The following MLF1 variants were observed in gnomAD, a reference collection of about 807,000 sequenced individuals.
MLF1 encodes the protein myeloid leukemia factor 1, also known as myelodysplasia-myeloid leukemia factor 1.
A neutral mutation model predicts 38.3 loss-of-function variants in MLF1; 37 were observed. That is an observed-to-expected ratio of 0.96 (90% CI 0.74 to 1.27). MLF1 has a LOEUF of 1.27. Among genes scored for constraint, MLF1 ranks in the 50% most tolerant of loss-of-function variants. The pLI, the probability that MLF1 is intolerant of heterozygous loss-of-function variation, is 0.00. For missense variants in MLF1, 331 were observed against 349.2 expected (o/e 0.95, Z 0.42); for synonymous variants, 95 against 106.5 (o/e 0.89, Z 0.66).
intron 6 of MLF1, among the ~76,000 whole-genome samples, chr3:158,600,684 C>T (rs1719622749): frequency 6.6e-6 from 1 of 151,058 alleles, no homozygotes; most frequent in Admixed American, 6.6e-5. Context: ...TGCTATTTTT[C>T]AAAAGCATTT....
chr3:158,586,512 T>C (rs997762189), intron 1 of MLF1, among the ~76,000 whole-genome samples: 8 of 152,224 alleles, frequency 5.3e-5, no homozygotes, highest in Non-Finnish European at 8.8e-5. Flanking sequence ...AATTACTAGA[T>C]GTTAGAATCC....
At chr3:158,573,810 TGTTTG>T (rs1261075241) in intron 1 of MLF1, among the ~76,000 whole-genome samples, 5 of 151,884 alleles carry the variant, frequency 3.3e-5, no homozygotes, top group Admixed American at 3.3e-4. Flanking sequence ...TGTGCGTCTG[TGTTTG>T]TTTGTTTGAG....
chr3:158,572,543 G>A (rs1486179071), intron 1 of MLF1, among the ~76,000 whole-genome samples: 29 of 136,618 alleles, frequency 2.1e-4, no homozygotes, highest in Admixed American at 2.9e-4. Flanking sequence ...AGGGTTGAGG[G>A]CGTGAGTTGG....
chr3:158,593,858 G>A (rs1718512244), intron 3 of MLF1, among the ~76,000 whole-genome samples: 1 of 152,120 alleles, frequency 6.6e-6, no homozygotes, highest in Non-Finnish European at 1.5e-5. Context: ...CCTTGCCCAG[G>A]CAGCTTTTTC....
At chr3:158,602,768 C>CCTTAATA in intron 6 of MLF1, 39 bp from the exon 7 acceptor site, 1 of 1,603,554 alleles carries the variant, frequency 6.2e-7, no homozygotes, top group African/African-American at 1.3e-5. Flanking sequence ...ACAGTTGATA[C>CCTTAATA]CTTAATACTT....
intron 5 of MLF1, among the ~76,000 whole-genome samples, chr3:158,599,602 T>C (rs993337982): frequency 6.6e-6 from 1 of 152,156 alleles, no homozygotes; most frequent in African/African-American, 2.4e-5. Flanking sequence ...CTTATAATAC[T>C]TCCATAGAGT....
In MLF1 at chr3:158,592,541, A is replaced by G; in HGVS notation, c.155A>G (p.His52Arg). The change falls in exon 2 of 8, where the codon CAT (histidine) becomes CGT (arginine). Residue 52 changes from histidine to arginine, a missense_variant. Physicochemically the swap from His to Arg is conservative, Grantham distance 29. Transcript: ENST00000466246. Reference protein sequence around the residue: ...LSISDGRGRAHNRRGHNDGED... With the variant: ...LSISDGRGRARNRRGHNDGED... The stretch of plus-strand genomic sequence containing the variant: ...ATCTCTGATGGTAGAGGGAGAGCTC[A>G]TAATCGTAGAGGACATAATGATGGT... 3.7e-6 allele frequency: 6 copies of G among 1,612,550 alleles called. No homozygotes were observed. The highest frequency in any genetic ancestry group is 5.1e-6 in the Non-Finnish European group (6 of 1,179,616).
chr3:158,599,186 T>G (rs1305183702), intron 5 of MLF1, among the ~76,000 whole-genome samples: 1 of 152,206 alleles, frequency 6.6e-6, no homozygotes, highest in Admixed American at 6.5e-5. Flanking sequence ...AGTCTAATCT[T>G]TCACTAATTC....
intron 1 of MLF1, among the ~76,000 whole-genome samples, chr3:158,583,902 T>C (rs1460759705): frequency 2.6e-5 from 4 of 152,194 alleles, no homozygotes; most frequent in African/African-American, 7.2e-5. Context: ...TCATTTCTAC[T>C]GTGACCAACA....
At chr3:158,598,824 C>CTA (rs1438750244) in intron 5 of MLF1, among the ~76,000 whole-genome samples, 4 of 152,106 alleles carry the variant, frequency 2.6e-5, no homozygotes, top group Non-Finnish European at 5.9e-5. Context: ...TGGAGTTTAT[C>CTA]ATTTTCACGC....
intron 3 of MLF1, among the ~76,000 whole-genome samples, chr3:158,595,510 T>G (rs919853439): frequency 3.9e-5 from 6 of 152,170 alleles, no homozygotes; most frequent in African/African-American, 1.2e-4. Context: ...TTTATCCTTC[T>G]TTGGGTTAAC....
Position 158,605,358 on chromosome 3 carries a change from A to G in MLF1, c.*156A>G, listed in dbSNP as rs1420572254. On this transcript the variant is annotated 3_prime_UTR_variant, in exon 8 of 8. Transcript: ENST00000466246. Reference sequence around the variant, plus strand: ...ATGTTCATGAAGGTCCTAGCTTTATATTGTCCCTCTTTTAGGAATAAAATT... The same window carrying G: ...ATGTTCATGAAGGTCCTAGCTTTATGTTGTCCCTCTTTTAGGAATAAAATT... 19 of 474,450 alleles carry G rather than the reference A, an allele frequency of 4.0e-5. No homozygotes were observed. Among genetic ancestry groups the G allele is most frequent in the African/African-American group, 5.9e-5 (3 of 51,152 alleles). The allele number at this position is 474,450 out of a possible 1,614,324, so 29.4% of individuals were successfully genotyped here. A position where few individuals can be genotyped will look rare whatever the true frequency, so the allele number is the denominator to read the frequency against.
chr3:158,572,563 C>T (rs17629360), intron 1 of MLF1, among the ~76,000 whole-genome samples: 44,672 of 83,862 alleles, frequency 0.53, 11,755 homozygotes, highest in African/African-American at 0.68. Flanking sequence ...GTGGGAAGGG[C>T]TTGAGAGCAT....
At chr3:158,596,118 G>A (rs1414588247) in intron 3 of MLF1, among the ~76,000 whole-genome samples, 3 of 152,108 alleles carry the variant, frequency 2.0e-5, no homozygotes, top group Non-Finnish European at 2.9e-5. Flanking sequence ...CCACCCACTA[G>A]ATGCTAGTTA....
At position 158,577,870 on chromosome 3, in the gene MLF1, G is replaced by A. The variant is rs548374938; in HGVS notation, c.47+6523G>A. 2.0e-5 allele frequency among the ~76,000 whole-genome samples: 3 copies of A among 152,162 alleles called. No individual in the cohort carries two copies. In the South Asian group the frequency reaches 6.2e-4, roughly 32 times the overall value. On this transcript the variant is annotated intron_variant, in intron 1 of 7. Transcript: ENST00000466246. ...GAGTGAACTATTTATAGAATATCAG[G>A]GGAGCATAATCATTTCCACAATTTT...
intron 7 of MLF1, among the ~76,000 whole-genome samples, chr3:158,604,431 C>T (rs1576697618): frequency 1.3e-5 from 2 of 152,186 alleles, no homozygotes; most frequent in Non-Finnish European, 2.9e-5. Flanking sequence ...GTGTAGTAAT[C>T]ACTAGCCACA....
intron 1 of MLF1, chr3:158,591,084 T>C (rs1426602486): frequency 2.0e-6 from 1 of 512,418 alleles, no homozygotes; most frequent in Admixed American, 2.0e-5. Context: ...TACTTGGACT[T>C]ATGAGCAGAA....
intron 1 of MLF1, 163 bp downstream of exon 1, chr3:158,571,510 A>G: frequency 1.2e-6 from 1 of 805,602 alleles, no homozygotes; most frequent in East Asian, 2.7e-5. Context: ...GAGGGAAGAG[A>G]GAGGAGGATT....
At chr3:158,593,704 C>T (rs1035483636) in intron 3 of MLF1, among the ~76,000 whole-genome samples, 14 of 152,328 alleles carry the variant, frequency 9.2e-5, no homozygotes, top group African/African-American at 3.1e-4. Context: ...AAGGGATCCT[C>T]ATAGTTGTGT....
Sources: gnomAD v4.1 joint callset for allele counts (sites outside exome capture counted in the v4.1 genomes callset) on GRCh38, gnomAD v4.1.1 for gene constraint, MANE v1.5 for transcripts, NCBI Gene and HGNC (gene_info 2026-07-23, HGNC 2026-07-21) for gene names.